Variants in DOCK10 observed in about 807,000 individuals in gnomAD.
DOCK10 encodes dedicator of cytokinesis protein 10.
Under a neutral mutation model 280.1 loss-of-function variants are expected in DOCK10, and 145 were observed. That is an observed-to-expected ratio of 0.52 (90% CI 0.45 to 0.59). The LOEUF is 0.59. Ranked by LOEUF, DOCK10 falls within the 20% of genes least tolerant of loss-of-function variation. DOCK10 has a pLI of 0.00. For synonymous variants in DOCK10, 915 were observed against 942.2 expected (o/e 0.97, Z 0.53); for missense variants, 2,368 against 2,651.7 (o/e 0.89, Z 2.35).
chr2:224,945,340 G>A (rs1703341701), intron 1 of DOCK10, among the ~76,000 whole-genome samples: 1 of 152,150 alleles, frequency 6.6e-6, no homozygotes, highest in African/African-American at 2.4e-5. Flanking sequence ...AAGTGGTTAG[G>A]TCCAGGCTCT....
chr2:224,778,301 AC>A lies in DOCK10; in HGVS notation c.5656-18del. ...AAAAAAGCCCTATGGAACATAATGA[AC>A]CACCAATTTTATTAGACAATGCTAA... On this transcript the variant is annotated intron_variant, in intron 50 of 55. Coordinates refer to ENST00000258390, the MANE Select transcript of DOCK10 (RefSeq NM_014689.3). 1 of 1,589,288 alleles carries A rather than the reference AC, an allele frequency of 6.3e-7. No individual in the cohort carries two copies. The highest frequency in any genetic ancestry group is 8.6e-7 in the Non-Finnish European group (1 of 1,165,994).
chr2:224,855,213 TAA>T (rs1697044401), intron 15 of DOCK10, among the ~76,000 whole-genome samples, 171 bp from the exon 16 acceptor site: 1 of 152,220 alleles, frequency 6.6e-6, no homozygotes, highest in Non-Finnish European at 1.5e-5. Flanking sequence ...TTAGCTAGTT[TAA>T]TTTTGCAAAC....
At chr2:225,018,152 A>G (rs1358682418) in intron 1 of DOCK10, among the ~76,000 whole-genome samples, 3 of 152,206 alleles carry the variant, frequency 2.0e-5, no homozygotes, top group Admixed American at 6.5e-5. Flanking sequence ...TTTATAGTAC[A>G]GTACATCAAG....
chr2:224,984,231 C>T (rs1157733652), intron 1 of DOCK10, among the ~76,000 whole-genome samples: 2 of 152,198 alleles, frequency 1.3e-5, no homozygotes, highest in East Asian at 3.8e-4. Context: ...TAAACCAGCC[C>T]CAGTTAGAAA....
chr2:224,874,716 G>A lies in DOCK10; in HGVS notation c.967C>T (p.Pro323Ser), dbSNP rs1405149592. The change falls in exon 9 of 56, where the codon CCA (proline) becomes TCA (serine). Residue 323 changes from proline (P) to serine (S), a missense_variant. Around this residue, in one of 2 missense-constraint regions of DOCK10, gnomAD observed 1,209 missense variants for 1,250.9 expected, o/e 0.97. Transcript: ENST00000258390. ...TTCTCTGAAGAATCTGTTTCCTCTG[G>A]CGTGCATTCACAAGTTACAGAATTA... ...LDNSVTCECT[P>S]EETDSSENNL... 6.2e-7 allele frequency: 1 copy of A among 1,613,842 alleles called. No individual in the cohort carries two copies. Among genetic ancestry groups the A allele is most frequent in the South Asian group, 1.1e-5 (1 of 91,074 alleles).
chr2:224,852,207 T>C (rs1280420014), intron 18 of DOCK10, among the ~76,000 whole-genome samples, 170 bp downstream of exon 18: 1 of 152,198 alleles, frequency 6.6e-6, no homozygotes, highest in African/African-American at 2.4e-5. Context: ...GAATTTCTAA[T>C]AGATCTAGTT....
At chr2:224,977,377 C>T (rs994454328) in intron 1 of DOCK10, among the ~76,000 whole-genome samples, 1 of 152,102 alleles carries the variant, frequency 6.6e-6, no homozygotes, top group Non-Finnish European at 1.5e-5. Context: ...CTTGTGCCAC[C>T]TCTAAACTCC....
chr2:224,829,201 C>A (rs879858605), intron 27 of DOCK10, among the ~76,000 whole-genome samples: 4 of 152,310 alleles, frequency 2.6e-5, no homozygotes, highest in African/African-American at 7.2e-5. Flanking sequence ...CATGTCTGCC[C>A]TGATAGAGTG....
Position 224,805,113 on chromosome 2 carries a change from C to T in DOCK10, c.4063G>A (p.Ala1355Thr). The change falls in exon 37 of 56, where the codon GCC becomes ACC. Residue 1355 changes from alanine (A) to threonine (T), a missense_variant. By Grantham distance (58) the Ala-to-Thr change is moderately conservative. This residue lies in a region of DOCK10 where 1,159 missense variants were observed against 1,400.8 expected (regional missense o/e 0.83). Coordinates refer to ENST00000258390, the MANE Select transcript of DOCK10 (RefSeq NM_014689.3). This position sits in a 1 kb window ranked among gnomAD's most constrained non-coding sequence, Gnocchi z 4.3. ...GGGCTGGGAGCTCTCTGCCAGTAGG[C>T]AATCAGAGTCTCTAAAAGGAAACAC... is the stretch of plus-strand genomic sequence containing the variant. ...MKTISYETLI[A>T]YWQRAPSPEV... 7 of 1,611,264 alleles carry T rather than the reference C, an allele frequency of 4.3e-6. No individual in the cohort carries two copies. Among genetic ancestry groups the T allele is most frequent in the Non-Finnish European group, 5.9e-6 (7 of 1,178,836 alleles).
chr2:224,819,877 T>C (rs1272460768), intron 28 of DOCK10, among the ~76,000 whole-genome samples: 1 of 152,242 alleles, frequency 6.6e-6, no homozygotes, highest in East Asian at 1.9e-4. Context: ...TCTATATTGA[T>C]TTTATAAAAT....
chr2:224,784,107 C>G (rs921739075), intron 50 of DOCK10, among the ~76,000 whole-genome samples: 2 of 152,108 alleles, frequency 1.3e-5, no homozygotes, highest in African/African-American at 4.8e-5. Flanking sequence ...AAATTTCTTA[C>G]CTTGCTCCTT....
At chr2:224,900,337 C>T (rs2125849879) in intron 3 of DOCK10, among the ~76,000 whole-genome samples, 1 of 151,532 alleles carries the variant, frequency 6.6e-6, no homozygotes, top group Non-Finnish European at 1.5e-5. Context: ...AGATACTGTA[C>T]TACTAAGCAC....
chr2:224,836,803 G>A (rs555377081), intron 25 of DOCK10, among the ~76,000 whole-genome samples: 20 of 152,106 alleles, frequency 1.3e-4, no homozygotes, highest in Non-Finnish European at 2.2e-4. Context: ...GTTTCACTGT[G>A]TTAGCCAGGA....
intron 1 of DOCK10, among the ~76,000 whole-genome samples, chr2:224,937,820 C>CATTA (rs1382775869): frequency 6.6e-6 from 1 of 152,160 alleles, no homozygotes; most frequent in Non-Finnish European, 1.5e-5. Flanking sequence ...ATATTAAACT[C>CATTA]ATTAGCTTTG....
intron 1 of DOCK10, among the ~76,000 whole-genome samples, chr2:225,030,399 C>T (rs1401546958): frequency 2.6e-5 from 4 of 152,242 alleles, no homozygotes; most frequent in South Asian, 2.1e-4. Flanking sequence ...ACATAAACCG[C>T]TCTCCATCAT....
At chr2:224,774,759 T>C in intron 52 of DOCK10, 146 bp downstream of exon 52, 2 of 743,294 alleles carry the variant, frequency 2.7e-6, no homozygotes, top group East Asian at 2.7e-5. Flanking sequence ...GATGGAAATC[T>C]CTTCTTGGCA....
At chr2:224,823,403 T>C in intron 28 of DOCK10, 98 bp downstream of exon 28, 1 of 1,076,630 alleles carries the variant, frequency 9.3e-7, no homozygotes, top group Non-Finnish European at 1.2e-6. Flanking sequence ...GTTTTGATTT[T>C]TCATCATACA....
chr2:224,788,822 A>G (rs1332805813), intron 48 of DOCK10, among the ~76,000 whole-genome samples: 1 of 152,212 alleles, frequency 6.6e-6, no homozygotes, highest in Non-Finnish European at 1.5e-5. Flanking sequence ...CCAAGATTTT[A>G]TCTGATAGAA....
chr2:224,884,398 C>G (rs1699155839), intron 7 of DOCK10, among the ~76,000 whole-genome samples: 1 of 152,172 alleles, frequency 6.6e-6, no homozygotes, highest in Non-Finnish European at 1.5e-5. Context: ...TCTCTACTGG[C>G]CTGTGACCAG....
Sources: allele counts gnomAD v4.1 joint callset (sites outside exome capture counted in the v4.1 genomes callset), GRCh38; gene constraint gnomAD v4.1.1; regional missense constraint gnomAD v4.1.1; non-coding constraint Gnocchi (gnomAD v3.1); transcripts MANE v1.5; gene names NCBI Gene and HGNC (gene_info 2026-07-23, HGNC 2026-07-21).